ABCG5: variants seen among roughly 807,000 people sequenced by gnomAD.
ABCG5 encodes the protein ATP-binding cassette sub-family G member 5.
ABCG5 carries 64 observed loss-of-function variants against 64.5 expected under a neutral mutation model. The ratio of observed to expected loss-of-function variants is 0.99; its 90% confidence interval spans 0.81 to 1.22. The LOEUF is 1.22. Ranked by LOEUF, ABCG5 falls within the 50% of genes most tolerant of loss-of-function variation. ABCG5 has a pLI of 0.00. For missense variants in ABCG5, 908 were observed against 829.5 expected (o/e 1.09, Z -1.16); for synonymous variants, 385 against 326.3 (o/e 1.18, Z -1.94).
In ABCG5 at chr2:43,831,843, T is replaced by C; in HGVS notation, c.427A>G (p.Thr143Ala). Residue 143 changes from threonine (T) to alanine (A), a missense_variant, in exon 4 of 13, where the codon ACC (threonine) becomes GCC (alanine). Transcript: ENST00000405322. ...GTGTAGTGCAGCGTCTCGCGCACGG[T>C]GAGGCTGCTCAGCAGGGTGTCGCTC... is the stretch of plus-strand genomic sequence containing the variant. ...LQSDTLLSSL[T>A]VRETLHYTAL... is the part of the protein sequence containing the mutation. 10 of 1,581,592 alleles carry C rather than the reference T, an allele frequency of 6.3e-6. No individual in the cohort carries two copies. The South Asian group carries it at 1.2e-4, about 18-fold the overall frequency.
intron 8 of ABCG5, 43 bp downstream of exon 8, chr2:43,824,176 A>G: frequency 6.2e-7 from 1 of 1,614,066 alleles, no homozygotes; most frequent in Non-Finnish European, 8.5e-7. Flanking sequence ...GGGGATGGCT[A>G]AAGACCTCTA....
chr2:43,820,590 C>G (rs554481169), intron 10 of ABCG5, among the ~76,000 whole-genome samples: 32 of 152,296 alleles, frequency 2.1e-4, no homozygotes, highest in African/African-American at 7.7e-4. Context: ...ATCAGGTTAG[C>G]CCTCCCCAGC....
chr2:43,829,184 T>C (rs769808589), intron 4 of ABCG5, among the ~76,000 whole-genome samples: 19 of 152,264 alleles, frequency 1.2e-4, no homozygotes, highest in Non-Finnish European at 2.1e-4. Flanking sequence ...GTTTTGAAAT[T>C]TTATTATCAT....
In ABCG5 at chr2:43,822,915, T is replaced by C; in HGVS notation, c.1345A>G (p.Ser449Gly). 1.2e-6 allele frequency: 2 copies of C among 1,614,028 alleles called. No homozygotes were observed. The highest frequency in any genetic ancestry group is 2.7e-5 in the African/African-American group (2 of 75,044). Residue 449 changes from serine (S) to glycine (G), a missense_variant, in exon 10 of 13, where the codon AGC becomes GGC. Transcript: ENST00000405322. ...VNLFPVLRAV[S>G]DQESQDGLYQ... ...AGGCCGTCCTGACTCTCCTGGTCGC[T>C]GACAGCTCGCAGCACGGGAACTGGG...
chr2:43,820,235 G>C (rs1025464339), intron 10 of ABCG5, 135 bp from the exon 11 acceptor site: 2 of 1,020,852 alleles, frequency 2.0e-6, no homozygotes, highest in East Asian at 2.6e-5. Flanking sequence ...ACTCCCCTTT[G>C]AAAGGCCGTT....
chr2:43,821,907 G>A (rs935472708), intron 10 of ABCG5, among the ~76,000 whole-genome samples: 1 of 151,860 alleles, frequency 6.6e-6, no homozygotes, highest in African/African-American at 2.4e-5. Flanking sequence ...ATCTTTGAAA[G>A]TGTGACCCTA....
intron 2 of ABCG5, 57 bp downstream of exon 2, chr2:43,837,777 C>T: frequency 1.2e-6 from 2 of 1,609,638 alleles, no homozygotes; most frequent in Non-Finnish European, 1.7e-6. Flanking sequence ...TCTGTTTCTT[C>T]AATGTGGAGT....
the ABCG5 span, among the ~76,000 whole-genome samples, chr2:43,806,997 C>T: frequency 5.3e-5 from 8 of 152,190 alleles, no homozygotes; most frequent in Non-Finnish European, 7.3e-5. Flanking sequence ...ATTGCACACA[C>T]AGGACCTTAA....
rs991853658 is a variant in ABCG5, at chr2:43,838,097, C to A, written c.144-142G>T. 1.0e-5 allele frequency: 12 copies of A among 1,146,758 alleles called. No individual in the cohort carries two copies. Among genetic ancestry groups the A allele is most frequent in the Admixed American group, 1.0e-4 (5 of 48,590 alleles). 71.0% of individuals were successfully genotyped at this position (1,146,758 alleles called of 1,614,324 possible). On this transcript the variant is annotated intron_variant, in intron 1 of 12. Coordinates refer to ENST00000405322, the MANE Select transcript of ABCG5 (RefSeq NM_022436.3). This position sits in a 1 kb window ranked among gnomAD's most constrained non-coding sequence, Gnocchi z 4.2. ...TAACGTGTTTCAGTCTCTGCGCCCT[C>A]CTCTGTAGAACCTGGCAGATAGCGA...
downstream of ABCG5, chr2:43,812,459 T>A (rs1187364072): frequency 1.3e-5 from 2 of 152,186 alleles, no homozygotes; most frequent in African/African-American, 4.8e-5. Context: ...GAGGTTTGTC[T>A]GGTGTGCTTT....
At position 43,819,977 on chromosome 2, in the gene ABCG5, T is replaced by G; in HGVS notation, c.1587A>C (p.Ile529=). 6.2e-7 allele frequency: 1 copy of G among 1,614,148 alleles called. No homozygotes were observed. The highest frequency in any genetic ancestry group is 8.5e-7 in the Non-Finnish European group (1 of 1,180,034). Residue 529 remains isoleucine (I), a synonymous_variant, in exon 11 of 13, where the codon ATA becomes ATC. Coordinates refer to ENST00000405322, the MANE Select transcript of ABCG5 (RefSeq NM_022436.3). ...ACAGCAGAGCCACTACACTGTTGAC[T>G]ATATTTGGATTTTGGACGATACCAA... ...VLLGIVQNPN[I]VNSVVALLSI... is the part of the protein sequence containing the mutation.
downstream of ABCG5, among the ~76,000 whole-genome samples, chr2:43,809,220 G>A (rs1298688207): frequency 6.6e-6 from 1 of 151,994 alleles, no homozygotes; most frequent in African/African-American, 2.4e-5. Flanking sequence ...TCAAATTCCT[G>A]GGCTCAAGCA....
chr2:43,828,041 G>GC lies in ABCG5; in HGVS notation c.575dup (p.Ile193HisfsTer5), dbSNP rs762031825. 6.2e-7 allele frequency: 1 copy of GC among 1,614,078 alleles called. No homozygotes were observed. The highest frequency in any genetic ancestry group is 8.5e-7 in the Non-Finnish European group (1 of 1,180,034). On this transcript the variant is annotated frameshift_variant, in exon 5 of 13. Coordinates refer to ENST00000405322, the MANE Select transcript of ABCG5 (RefSeq NM_022436.3). LOFTEE classifies it high-confidence loss of function. ...CCCGGCGCCGCTCACCCGTGGAAAT[G>GC]CCCCCCAAGCTGTAGTTGCCAATCA...
chr2:43,810,399 C>G, downstream of ABCG5: 1 of 985,348 alleles, frequency 1.0e-6, no homozygotes, highest in African/African-American at 1.7e-5. Flanking sequence ...AAGGAGATAT[C>G]CTATCAAGAA....
chr2:43,836,095 C>T (rs928899276), intron 2 of ABCG5, among the ~76,000 whole-genome samples: 1 of 152,142 alleles, frequency 6.6e-6, no homozygotes, highest in African/African-American at 2.4e-5. Context: ...TGCCACCAGG[C>T]CTGGCTAATT....
At chr2:43,819,887 C>A (rs769084447) in intron 11 of ABCG5, 28 bp downstream of exon 11, 1 of 1,612,324 alleles carries the variant, frequency 6.2e-7, no homozygotes, top group Admixed American at 1.7e-5. Context: ...TTATCCCAAT[C>A]TAAATTTTTT....
chr2:43,825,055 A>T, intron 6 of ABCG5, 37 bp from the exon 7 acceptor site: 1 of 1,609,448 alleles, frequency 6.2e-7, no homozygotes, highest in Non-Finnish European at 8.5e-7. Flanking sequence ...GTGTGATCAC[A>T]AGGGTAGCGA....
chr2:43,816,982 C>T (rs1454432003), intron 11 of ABCG5, among the ~76,000 whole-genome samples: 1 of 152,134 alleles, frequency 6.6e-6, no homozygotes, highest in African/African-American at 2.4e-5. Flanking sequence ...AGGGAGCCAA[C>T]AGCACAAATG....
chr2:43,822,595 C>G (rs1423707049), intron 10 of ABCG5: 2 of 984,464 alleles, frequency 2.0e-6, no homozygotes, highest in Admixed American at 1.2e-4. Context: ...TTGGTTTGTT[C>G]TCAGGTCTCC....
Sources: gnomAD v4.1 joint callset for allele counts (sites outside exome capture counted in the v4.1 genomes callset) on GRCh38, gnomAD v4.1.1 for gene constraint, Gnocchi (gnomAD v3.1) non-coding constraint, MANE v1.5 for transcripts, NCBI Gene and HGNC (gene_info 2026-07-23, HGNC 2026-07-21) for gene names.